LRRC56: variants seen among roughly 807,000 people sequenced by gnomAD.
The protein encoded by LRRC56 is leucine rich repeat containing 56.
A neutral mutation model predicts 47.8 loss-of-function variants in LRRC56; 41 were observed. The ratio of observed to expected loss-of-function variants is 0.86; its 90% CI spans 0.67 to 1.11. The LOEUF is 1.11. Among genes scored for constraint, LRRC56 ranks in the 50% most tolerant of loss-of-function variants. The pLI, the probability that LRRC56 is intolerant of heterozygous loss-of-function variation, is 0.00. For missense variants in LRRC56, 759 were observed against 704.2 expected (o/e 1.08, Z -0.88); for synonymous variants, 387 against 311.2 (o/e 1.24, Z -2.56).
chr11:542,890 C>A (rs944734672), intron 5 of LRRC56, among the ~76,000 whole-genome samples: 4 of 152,086 alleles, frequency 2.6e-5, no homozygotes, highest in Non-Finnish European at 4.4e-5. Flanking sequence ...CACCAGCTGT[C>A]CCAACAGTGA....
At chr11:524,611 A>G in the LRRC56 span, among the ~76,000 whole-genome samples, 1 of 151,634 alleles carries the variant, frequency 6.6e-6, no homozygotes, top group Non-Finnish European at 1.5e-5. Context: ...AGCCTGGGCA[A>G]AAAGAGTGAA....
chr11:554,888 T>G lies in LRRC56; in HGVS notation c.*612T>G. ...AATGCGGTTTACTTTGTAGGCCACG[T>G]TGGTTCAATAAATGATGCAGCGGAC... On this transcript the variant is annotated 3_prime_UTR_variant, in exon 14 of 14. Coordinates refer to ENST00000270115, the MANE Select transcript of LRRC56 (RefSeq NM_198075.4). 1 of 866,436 alleles carries G rather than the reference T, an allele frequency of 1.2e-6. No homozygotes were observed. Among genetic ancestry groups the G allele is most frequent in the Non-Finnish European group, 1.7e-6 (1 of 602,790 alleles). The allele number at this position is 866,436 out of a possible 1,614,324, so 53.7% of individuals were successfully genotyped here. A position where few individuals can be genotyped will look rare whatever the true frequency, so the allele number is the denominator to read the frequency against.
chr11:519,038 G>C, the LRRC56 span, among the ~76,000 whole-genome samples: 1 of 151,006 alleles, frequency 6.6e-6, no homozygotes, highest in South Asian at 2.1e-4. Context: ...AAAGCCGCGA[G>C]GGCAGCTCCC....
upstream of LRRC56, chr11:533,801 G>T: frequency 6.2e-7 from 1 of 1,613,388 alleles, no homozygotes; most frequent in African/African-American, 1.3e-5. Flanking sequence ...ACTTGGTGTT[G>T]TTGATGGCAA....
the LRRC56 span, among the ~76,000 whole-genome samples, chr11:523,775 A>C: frequency 6.6e-6 from 1 of 151,910 alleles, no homozygotes; most frequent in Admixed American, 6.6e-5. Flanking sequence ...TAAAAATACA[A>C]AAATTAGCCG....
chr11:525,960 C>G, the LRRC56 span, among the ~76,000 whole-genome samples: 1 of 152,130 alleles, frequency 6.6e-6, no homozygotes, highest in East Asian at 1.9e-4. Context: ...TGATCCTTCC[C>G]TTTGGGAGGC....
the LRRC56 span, chr11:506,742 G>T: frequency 6.6e-6 from 1 of 152,436 alleles, no homozygotes; most frequent in South Asian, 2.1e-4. Context: ...GCTGGGCCAG[G>T]ATTGCTTGCG....
chr11:507,803 C>T, the LRRC56 span, among the ~76,000 whole-genome samples: 1 of 152,244 alleles, frequency 6.6e-6, no homozygotes, highest in African/African-American at 2.4e-5. Flanking sequence ...GTGAACCACG[C>T]TGCCCGTCCT....
chr11:549,611 C>T (rs976169995), intron 6 of LRRC56, among the ~76,000 whole-genome samples: 1 of 152,254 alleles, frequency 6.6e-6, no homozygotes, highest in Non-Finnish European at 1.5e-5. Context: ...GTGATGCCTG[C>T]AGCCTGCCAG....
upstream of LRRC56, chr11:533,767 T>G: frequency 6.2e-7 from 1 of 1,613,272 alleles, no homozygotes. Flanking sequence ...GGGGTTCACC[T>G]GTACTGGTGG....
upstream of LRRC56, among the ~76,000 whole-genome samples, chr11:533,124 C>T (rs905783132): frequency 1.3e-4 from 20 of 152,242 alleles, no homozygotes; most frequent in Admixed American, 4.6e-4. Flanking sequence ...CAAGAGGGGC[C>T]GGGCCCCAGG....
chr11:534,049 C>T (rs1157881669), upstream of LRRC56: 3 of 1,340,930 alleles, frequency 2.2e-6, no homozygotes, highest in African/African-American at 2.9e-5. Flanking sequence ...GCCCCCTCCT[C>T]TCCTGGGGTG....
intron 13 of LRRC56, among the ~76,000 whole-genome samples, chr11:553,319 G>A (rs1404400613): frequency 1.3e-5 from 2 of 152,174 alleles, no homozygotes; most frequent in African/African-American, 4.8e-5. Context: ...CCCCACGGTG[G>A]GCAGCTGACC....
At chr11:513,084 G>C in the LRRC56 span, among the ~76,000 whole-genome samples, 3 of 152,222 alleles carry the variant, frequency 2.0e-5, no homozygotes, top group African/African-American at 7.2e-5. Context: ...ACTCTGCCCA[G>C]CACACCCCGC....
chr11:551,132 T>G lies in LRRC56; in HGVS notation c.626T>G (p.Val209Gly). The change falls in exon 9 of 14, where the codon GTG becomes GGG. Residue 209 changes from valine (V) to glycine (G), a missense_variant and splice_region_variant. Coordinates refer to ENST00000270115, the MANE Select transcript of LRRC56 (RefSeq NM_198075.4). ...LQPAPGPTNK[V>G]PRGYNYRAEV... ...CTCCCCCTCCCCCTCCCCCTGCAGG[T>G]GCCCAGGGGCTACAACTACAGGGCA... The G allele has an allele frequency of 1.5e-6, 2 of 1,369,922 alleles. No homozygotes were observed. The highest frequency in any genetic ancestry group is 1.9e-6 in the Non-Finnish European group (2 of 1,032,576). 84.9% of individuals were successfully genotyped at this position (1,369,922 alleles called of 1,614,324 possible). A position where few individuals can be genotyped will look rare whatever the true frequency, so the allele number is the denominator to read the frequency against.
At chr11:525,708 C>T in the LRRC56 span, among the ~76,000 whole-genome samples, 1 of 151,596 alleles carries the variant, frequency 6.6e-6, no homozygotes, top group Non-Finnish European at 1.5e-5. Context: ...CCAGCCTGGC[C>T]AACATAGTGA....
At chr11:520,430 C>A in the LRRC56 span, among the ~76,000 whole-genome samples, 3 of 152,184 alleles carry the variant, frequency 2.0e-5, no homozygotes, top group East Asian at 5.8e-4. Context: ...CAGTGATTCT[C>A]CTGCCTCAGC....
chr11:535,369 G>A (rs111720508), upstream of LRRC56: 7,129 of 146,864 alleles, frequency 0.049, 196 homozygotes, highest in Middle Eastern at 0.1. Flanking sequence ...GCTGCCGCCT[G>A]GGGGCGAGGA....
At chr11:549,379 C>T (rs1262801735) in intron 6 of LRRC56, among the ~76,000 whole-genome samples, 4 of 152,104 alleles carry the variant, frequency 2.6e-5, no homozygotes, top group Non-Finnish European at 4.4e-5. Flanking sequence ...AGGGTGGGCC[C>T]GGCAGGAAGC....
Sources: allele counts gnomAD v4.1 joint callset (sites outside exome capture counted in the v4.1 genomes callset), GRCh38; gene constraint gnomAD v4.1.1; transcripts MANE v1.5; gene names NCBI Gene and HGNC (gene_info 2026-07-23, HGNC 2026-07-21).